The following GLI3 variants were observed in gnomAD, a reference collection of about 807,000 sequenced individuals.
The protein encoded by GLI3 is GLI family zinc finger 3, also known as transcription activator GLI3.
In GLI3, 20 loss-of-function variants were observed where a neutral mutation model predicts 100.8. The observed-to-expected ratio is 0.20, with a 90% CI of 0.14 to 0.29. GLI3 has a LOEUF of 0.29. Among genes scored for constraint, GLI3 ranks in the 10% least tolerant of loss-of-function variants. The pLI, the probability that GLI3 is intolerant of heterozygous loss-of-function variation, is 1.00. For missense variants in GLI3, 2,040 were observed against 2,128.5 expected, an observed-to-expected ratio of 0.96 and a Z score of 0.82; for synonymous variants, 938 against 860.5, an observed-to-expected ratio of 1.09 and a Z score of -1.58.
At chr7:42,175,883 T>C (rs997750017) in intron 2 of GLI3, among the ~76,000 whole-genome samples, 3 of 152,076 alleles carry the variant, frequency 2.0e-5, no homozygotes, top group Non-Finnish European at 4.4e-5. Flanking sequence ...AAAATAAATA[T>C]AAATAAATAA....
intron 3 of GLI3, among the ~76,000 whole-genome samples, chr7:42,131,451 G>A (rs990592292): frequency 3.3e-5 from 5 of 152,154 alleles, no homozygotes; most frequent in Non-Finnish European, 5.9e-5. Context: ...TAGACACATC[G>A]CCATTGGGTG....
chr7:42,236,134 G>A (rs1583668214), intron 1 of GLI3, among the ~76,000 whole-genome samples: 1 of 152,104 alleles, frequency 6.6e-6, no homozygotes, highest in African/African-American at 2.4e-5. Flanking sequence ...TGGAGCGTCC[G>A]CTTCGGACAA....
chr7:42,046,931 A>T (rs1784257658), intron 5 of GLI3, among the ~76,000 whole-genome samples: 1 of 152,160 alleles, frequency 6.6e-6, no homozygotes, highest in Non-Finnish European at 1.5e-5. Context: ...AGAGGTGGGT[A>T]GATCGCTTGA....
chr7:42,257,322 AG>A (rs2128711342), intron 1 of GLI3, among the ~76,000 whole-genome samples: 1 of 150,494 alleles, frequency 6.6e-6, no homozygotes, highest in East Asian at 1.9e-4. Context: ...CAGCAAAAGC[AG>A]GCCCCTGATA....
intron 1 of GLI3, among the ~76,000 whole-genome samples, chr7:42,236,347 G>C (rs911578652): frequency 6.6e-6 from 1 of 152,174 alleles, no homozygotes; most frequent in African/African-American, 2.4e-5. Context: ...GAAAGGAAAA[G>C]AAATAAGAGA....
chr7:42,010,586 T>A (rs909129177), intron 10 of GLI3, among the ~76,000 whole-genome samples: 1 of 152,168 alleles, frequency 6.6e-6, no homozygotes, highest in South Asian at 2.1e-4. Context: ...CAATGGTATC[T>A]AACTGGCCAT....
intron 2 of GLI3, among the ~76,000 whole-genome samples, chr7:42,176,398 G>A (rs1787480297): frequency 6.6e-6 from 1 of 152,106 alleles, no homozygotes; most frequent in South Asian, 2.1e-4. Context: ...ATCAGCTCAG[G>A]TTTCTAAACC....
Position 42,182,440 on chromosome 7 carries a change from T to TA in GLI3, c.125-33973dup, listed in dbSNP as rs200012724. Among the ~76,000 whole-genome samples, 468 of 150,656 alleles carry TA rather than the reference T, an allele frequency of 3.1e-3. 6 individuals carry two copies. The highest frequency in any genetic ancestry group is 0.029 in the East Asian group (150 of 5,120). On this transcript the variant is annotated intron_variant, in intron 2 of 14. Transcript: ENST00000395925. ...CTGCTTTATATCCTTGCTTTAAAAT[T>TA]AAAAAAATAATAATAATAATCCCTG...
At chr7:42,012,931 T>C (rs1788659659) in intron 10 of GLI3, among the ~76,000 whole-genome samples, 1 of 152,194 alleles carries the variant, frequency 6.6e-6, no homozygotes, top group African/African-American at 2.4e-5. Flanking sequence ...CTCTCCCGCA[T>C]GTCCTAGAGA....
At chr7:41,970,694 C>CA (rs745494376) in intron 13 of GLI3, among the ~76,000 whole-genome samples, 44 of 152,224 alleles carry the variant, frequency 2.9e-4, no homozygotes, top group Non-Finnish European at 5.3e-4. Context: ...GAGAAAATGA[C>CA]AATTTTCTTG....
intron 3 of GLI3, among the ~76,000 whole-genome samples, chr7:42,098,291 G>A (rs931114073): frequency 3.3e-5 from 5 of 152,110 alleles, no homozygotes; most frequent in Non-Finnish European, 5.9e-5. Context: ...CTCTGTCTCT[G>A]TGTAATGTAC....
chr7:42,126,387 G>A (rs1205596303), intron 3 of GLI3, among the ~76,000 whole-genome samples: 1 of 152,218 alleles, frequency 6.6e-6, no homozygotes, highest in Non-Finnish European at 1.5e-5. Context: ...GCCTCAGCAA[G>A]TGATCTAGAG....
intron 3 of GLI3, among the ~76,000 whole-genome samples, chr7:42,114,427 C>G (rs1362828772): frequency 6.9e-6 from 1 of 145,176 alleles, no homozygotes. Flanking sequence ...AAGCTAGGTA[C>G]GGTTTGGCTT....
intron 3 of GLI3, among the ~76,000 whole-genome samples, chr7:42,132,543 T>A (rs573203600): frequency 6.6e-6 from 1 of 152,264 alleles, no homozygotes; most frequent in South Asian, 2.1e-4. Flanking sequence ...AAACTAATAT[T>A]GGAATAATCA....
intron 3 of GLI3, chr7:42,118,171 A>G (rs1785907382): frequency 2.5e-6 from 1 of 393,984 alleles, no homozygotes; most frequent in East Asian, 3.6e-5. Flanking sequence ...CATCTTAATG[A>G]AATACACTCA....
At position 42,026,274 on chromosome 7, in the gene GLI3, T is replaced by A; in HGVS notation, c.1167A>T (p.Thr389=). The A allele has an allele frequency of 1.2e-6, 2 of 1,613,974 alleles. No individual in the cohort carries two copies. Among genetic ancestry groups the A allele is most frequent in the Non-Finnish European group, 1.7e-6 (2 of 1,179,968 alleles). Residue 389 remains threonine, a synonymous_variant, in exon 8 of 15, where the codon ACA becomes ACT. Coordinates refer to ENST00000395925, the MANE Select transcript of GLI3 (RefSeq NM_000168.6). ...TAGGGATCCCTGGAATAGGCCTCTGTGTTGGAAAAGTTGGGGCAGGGTGGA... is the reference window on the plus strand; with the variant it reads ...TAGGGATCCCTGGAATAGGCCTCTGAGTTGGAAAAGTTGGGGCAGGGTGGA... ...PLIHPAPTFP[T]QRPIPGIPTV...
intron 7 of GLI3, among the ~76,000 whole-genome samples, chr7:42,038,887 A>AC (rs1475159827): frequency 6.6e-6 from 1 of 152,214 alleles, no homozygotes; most frequent in Non-Finnish European, 1.5e-5. Flanking sequence ...AAGTTTCCCT[A>AC]ATTGTAATCT....
chr7:42,079,342 T>C (rs1003556304), intron 3 of GLI3, among the ~76,000 whole-genome samples: 3 of 152,126 alleles, frequency 2.0e-5, no homozygotes, highest in African/African-American at 7.2e-5. Flanking sequence ...TTAAGTGGGG[T>C]CATCTTTTGC....
chr7:42,050,908 A>G (rs1784339587), intron 4 of GLI3, among the ~76,000 whole-genome samples: 1 of 152,232 alleles, frequency 6.6e-6, no homozygotes, highest in East Asian at 1.9e-4. Flanking sequence ...ATCAGCATCT[A>G]GAAAAACACA....
Sources: gnomAD v4.1 joint callset for allele counts (sites outside exome capture counted in the v4.1 genomes callset) on GRCh38, gnomAD v4.1.1 for gene constraint, MANE v1.5 for transcripts, NCBI Gene and HGNC (gene_info 2026-07-23, HGNC 2026-07-21) for gene names.